GIPC2: variants seen among roughly 807,000 people sequenced by gnomAD.
The protein encoded by GIPC2 is GIPC PDZ domain containing family member 2.
Under a neutral mutation model 30.6 loss-of-function variants are expected in GIPC2, and 30 were observed. The observed-to-expected ratio is 0.98, with a 90% CI of 0.73 to 1.33. The LOEUF (loss-of-function observed/expected upper bound fraction) is 1.33, where lower values mean the gene tolerates loss of function less well. Among genes scored for constraint, GIPC2 ranks in the 40% most tolerant of loss-of-function variants. The pLI is 0.00. For synonymous variants in GIPC2, 167 were observed against 150.0 expected (o/e 1.11, Z -0.83); for missense variants, 414 against 390.3 (o/e 1.06, Z -0.51).
chr1:78,107,562 T>C (rs1459007495), intron 3 of GIPC2, among the ~76,000 whole-genome samples: 2 of 152,068 alleles, frequency 1.3e-5, no homozygotes, highest in Non-Finnish European at 2.9e-5. Context: ...TGGTGGCTCA[T>C]GCCTGTAATT....
chr1:78,069,662 C>T (rs770587487), intron 1 of GIPC2, among the ~76,000 whole-genome samples: 31 of 151,926 alleles, frequency 2.0e-4, no homozygotes, highest in Admixed American at 1.4e-3. Flanking sequence ...TTAGTAGACA[C>T]GGGCTTTCAC....
At chr1:78,045,797 G>A (rs369009073), upstream of GIPC2, 160 of 1,166,280 alleles carry the variant, frequency 1.4e-4, 1 homozygote, top group African/African-American at 1.5e-3. Context: ...GCATCCTCAG[G>A]CGTTCACGTA....
At chr1:78,103,514 A>T (rs1662288410) in intron 3 of GIPC2, among the ~76,000 whole-genome samples, 1 of 152,228 alleles carries the variant, frequency 6.6e-6, no homozygotes, top group Non-Finnish European at 1.5e-5. Context: ...AATAATCCTC[A>T]TGCCATTCCT....
At chr1:78,054,569 A>G (rs889974309) in intron 1 of GIPC2, among the ~76,000 whole-genome samples, 26 of 152,244 alleles carry the variant, frequency 1.7e-4, no homozygotes, top group African/African-American at 6.3e-4. Context: ...TCTAAATAAT[A>G]TTCAGTTTAA....
intron 3 of GIPC2, among the ~76,000 whole-genome samples, chr1:78,104,909 T>C (rs1444602066): frequency 6.6e-6 from 1 of 152,220 alleles, no homozygotes; most frequent in Non-Finnish European, 1.5e-5. Flanking sequence ...GAGCATACTG[T>C]CGATCATCTT....
chr1:78,070,780 T>C (rs1043370510), intron 1 of GIPC2, among the ~76,000 whole-genome samples: 2 of 152,180 alleles, frequency 1.3e-5, no homozygotes, highest in African/African-American at 4.8e-5. Flanking sequence ...CTGACTGTTT[T>C]TCTTTTTTTG....
chr1:78,059,467 A>C (rs1661353289), intron 1 of GIPC2, among the ~76,000 whole-genome samples: 1 of 152,252 alleles, frequency 6.6e-6, no homozygotes, highest in Non-Finnish European at 1.5e-5. Flanking sequence ...GGCTGGGTGC[A>C]GTGGCACATA....
At chr1:78,069,150 G>A (rs573209383) in intron 1 of GIPC2, 3 of 924,406 alleles carry the variant, frequency 3.2e-6, no homozygotes, top group African/African-American at 1.8e-5. Flanking sequence ...GGCAGTGCCT[G>A]GGTATCTCCA....
chr1:78,125,766 A>G, intron 4 of GIPC2, 115 bp from the exon 5 acceptor site: 1 of 626,360 alleles, frequency 1.6e-6, no homozygotes, highest in Non-Finnish European at 2.9e-6. Flanking sequence ...TTCCATTAAA[A>G]TTAGCTGAAA....
At chr1:78,109,407 T>C (rs1662420571) in intron 3 of GIPC2, among the ~76,000 whole-genome samples, 1 of 152,206 alleles carries the variant, frequency 6.6e-6, no homozygotes, top group South Asian at 2.1e-4. Flanking sequence ...CAATGGCAAC[T>C]CATAACTTTT....
At chr1:78,059,512 G>A (rs1036380026) in intron 1 of GIPC2, among the ~76,000 whole-genome samples, 1 of 152,208 alleles carries the variant, frequency 6.6e-6, no homozygotes, top group African/African-American at 2.4e-5. Flanking sequence ...GGAGGCCAAG[G>A]TCAGCGGATC....
At position 78,119,504 on chromosome 1, in the gene GIPC2, G is replaced by A. The variant is rs866467223; in HGVS notation, c.714+5G>A. The stretch of plus-strand genomic sequence containing the variant: ...CCTGCCACCGTGGAAGAAATGGTAT[G>A]TTATGTTCATTTACTTCCTGTTCTG... On this transcript the variant is annotated splice_donor_5th_base_variant and intron_variant, in intron 4 of 5. Coordinates refer to ENST00000370759, the MANE Select transcript of GIPC2 (RefSeq NM_017655.6). 1.7e-5 allele frequency: 26 copies of A among 1,544,624 alleles called. No homozygotes were observed. In the East Asian group the frequency reaches 5.4e-4, roughly 32 times the overall value.
chr1:78,054,587 A>G (rs1014718280), intron 1 of GIPC2, among the ~76,000 whole-genome samples: 2 of 152,252 alleles, frequency 1.3e-5, no homozygotes, highest in Non-Finnish European at 2.9e-5. Context: ...TAAATGGAAT[A>G]TAATGGTATT....
At chr1:78,077,112 A>G (rs537471107) in intron 1 of GIPC2, among the ~76,000 whole-genome samples, 2 of 152,182 alleles carry the variant, frequency 1.3e-5, no homozygotes, top group South Asian at 4.1e-4. Flanking sequence ...TGAACTGCCC[A>G]ATGTTGTAAC....
intron 3 of GIPC2, among the ~76,000 whole-genome samples, chr1:78,112,057 A>T (rs1376708076): frequency 6.6e-6 from 1 of 152,266 alleles, no homozygotes; most frequent in Non-Finnish European, 1.5e-5. Flanking sequence ...AGACCTCAGT[A>T]CTAAAGTCCT....
intron 3 of GIPC2, among the ~76,000 whole-genome samples, chr1:78,115,991 A>G (rs1005689536): frequency 6.6e-6 from 1 of 152,192 alleles, no homozygotes; most frequent in Non-Finnish European, 1.5e-5. Flanking sequence ...GTCTGTTCTC[A>G]CACTGCTATA....
At chr1:78,111,882 C>G (rs1294156180) in intron 3 of GIPC2, among the ~76,000 whole-genome samples, 1 of 152,192 alleles carries the variant, frequency 6.6e-6, no homozygotes, top group Admixed American at 6.5e-5. Context: ...TTCCAAAGTC[C>G]ATGTTCTTAA....
intron 1 of GIPC2, among the ~76,000 whole-genome samples, chr1:78,048,458 ACT>A (rs1015332480): frequency 6.7e-6 from 1 of 150,118 alleles, no homozygotes; most frequent in African/African-American, 2.5e-5. Flanking sequence ...ATGGGGTCTC[ACT>A]CTGTTGCCCA....
In GIPC2 at chr1:78,136,211, G is replaced by A. The variant is rs866476920; in HGVS notation, c.*468G>A. 2.0e-5 allele frequency: 3 copies of A among 152,224 alleles called. No individual in the cohort carries two copies. The highest frequency in any genetic ancestry group is 4.1e-4 in the South Asian group (2 of 4,824). The allele number at this position is 152,224 out of a possible 1,614,324, so 9.4% of individuals were successfully genotyped here. A position where few individuals can be genotyped will look rare whatever the true frequency, so the allele number is the denominator to read the frequency against. ...GTTCAGGAAATGAAAGGTGAATTAT[G>A]CCCCTTATTGGTCTAGAAGCATTGG... On this transcript the variant is annotated 3_prime_UTR_variant, in exon 6 of 6. Transcript: ENST00000370759.
Sources: gnomAD v4.1 joint callset for allele counts (sites outside exome capture counted in the v4.1 genomes callset) on GRCh38, gnomAD v4.1.1 for gene constraint, MANE v1.5 for transcripts, NCBI Gene and HGNC (gene_info 2026-07-23, HGNC 2026-07-21) for gene names.